The following AUTS2 variants were observed in gnomAD, a reference collection of about 807,000 sequenced individuals.
The protein encoded by AUTS2 is activator of transcription and developmental regulator AUTS2, also known as autism susceptibility gene 2 protein.
Under a neutral mutation model 112.4 loss-of-function variants are expected in AUTS2, and 17 were observed. The ratio of observed to expected loss-of-function variants is 0.15; its 90% CI spans 0.10 to 0.23. AUTS2 has a LOEUF of 0.23. AUTS2 is among the 10% of genes least tolerant of loss of function. The pLI, the probability that AUTS2 is intolerant of heterozygous loss-of-function variation, is 1.00. For missense variants in AUTS2, 1,510 were observed against 1,701.6 expected, an observed-to-expected ratio of 0.89 and a Z score of 1.98; for synonymous variants, 751 against 702.7, an observed-to-expected ratio of 1.07 and a Z score of -1.09.
At chr7:70,637,329 T>C (rs924473815) in intron 5 of AUTS2, among the ~76,000 whole-genome samples, 1 of 152,226 alleles carries the variant, frequency 6.6e-6, no homozygotes, top group Non-Finnish European at 1.5e-5. Context: ...GTTTGGAATA[T>C]GTAGATAGGG....
At chr7:70,521,964 A>G (rs1177920154) in intron 5 of AUTS2, among the ~76,000 whole-genome samples, 2 of 152,214 alleles carry the variant, frequency 1.3e-5, no homozygotes, top group East Asian at 1.9e-4. Flanking sequence ...ATGAAATAAC[A>G]TATCAGATGT....
At chr7:69,626,914 G>C (rs1258460661) in intron 1 of AUTS2, among the ~76,000 whole-genome samples, 1 of 152,178 alleles carries the variant, frequency 6.6e-6, no homozygotes, top group African/African-American at 2.4e-5. Flanking sequence ...TTAATGAAAT[G>C]TATTGCCTGA....
intron 4 of AUTS2, among the ~76,000 whole-genome samples, chr7:70,423,629 C>T (rs1246357843): frequency 3.9e-5 from 6 of 151,974 alleles, no homozygotes; most frequent in Admixed American, 1.3e-4. Flanking sequence ...CTACTTCCAT[C>T]CCAAAAAAAA....
chr7:70,260,686 C>A (rs182377452), intron 4 of AUTS2, among the ~76,000 whole-genome samples: 63 of 152,056 alleles, frequency 4.1e-4, no homozygotes, highest in African/African-American at 1.4e-3. Context: ...GCAGCAGTCC[C>A]ACTCCTAGGT....
intron 2 of AUTS2, among the ~76,000 whole-genome samples, chr7:70,076,642 G>A (rs1177647134): frequency 6.6e-6 from 1 of 152,178 alleles, no homozygotes; most frequent in Admixed American, 6.5e-5. Context: ...GAATTGACTT[G>A]TGGATCAAAT....
intron 2 of AUTS2, among the ~76,000 whole-genome samples, chr7:69,983,526 G>A (rs191522726): frequency 6.6e-6 from 1 of 152,156 alleles, no homozygotes; most frequent in East Asian, 1.9e-4. Context: ...GTGTGTGTGT[G>A]TGTGTGTGAA....
At chr7:70,422,563 G>C (rs1000452376) in intron 4 of AUTS2, among the ~76,000 whole-genome samples, 3 of 152,086 alleles carry the variant, frequency 2.0e-5, no homozygotes, top group African/African-American at 7.2e-5. Context: ...GATCACCTGA[G>C]GTCAGGCGTT....
chr7:70,478,185 T>C (rs920708164), intron 5 of AUTS2, among the ~76,000 whole-genome samples: 2 of 152,202 alleles, frequency 1.3e-5, no homozygotes, highest in African/African-American at 4.8e-5. Flanking sequence ...ATGGATTGCT[T>C]TTCTATTATA....
At chr7:70,377,786 T>G (rs1168815362) in intron 4 of AUTS2, among the ~76,000 whole-genome samples, 13 of 151,688 alleles carry the variant, frequency 8.6e-5, no homozygotes, top group South Asian at 6.3e-4. Context: ...TTTTTTTTTT[T>G]TTTGTGACAG....
rs145310040 is a variant in AUTS2, at chr7:70,367,098, A to G, written c.661-68654A>G. 5.1e-4 allele frequency among the ~76,000 whole-genome samples: 78 copies of G among 152,246 alleles called. 2 individuals carry two copies. Among genetic ancestry groups the G allele is most frequent in the African/African-American group, 1.9e-3 (77 of 41,548 alleles). ...CCAGGAGTTTTAGACCAGCCTCACC[A>G]ACATTTGCGAAACCCCGTCTCTACT... is the stretch of plus-strand genomic sequence containing the variant. On this transcript the variant is annotated intron_variant, in intron 4 of 18. Transcript: ENST00000342771.
Position 69,996,848 on chromosome 7 carries a change from CATTTT to C in AUTS2, c.522+97353_522+97357del, listed in dbSNP as rs369914690. ...CTGTATGTTTACATGAAAAAATACA[CATTTT>C]ATAACCCACTCCAGACCTACTAAAT... is the stretch of plus-strand genomic sequence containing the variant. On this transcript the variant is annotated intron_variant, in intron 2 of 18. Transcript: ENST00000342771. Among the ~76,000 whole-genome samples the C allele has an allele frequency of 1.6e-3, 244 of 150,628 alleles. 2 individuals are homozygous for C. Among genetic ancestry groups the C allele is most frequent in the African/African-American group, 5.7e-3 (235 of 40,980 alleles).
At chr7:70,438,667 C>T (rs976968335) in intron 5 of AUTS2, among the ~76,000 whole-genome samples, 2 of 152,220 alleles carry the variant, frequency 1.3e-5, no homozygotes, top group African/African-American at 4.8e-5. Flanking sequence ...AAGACTTCTG[C>T]TCTGTCGGAG....
chr7:69,687,610 A>G (rs1447019587), intron 1 of AUTS2, among the ~76,000 whole-genome samples: 1 of 152,238 alleles, frequency 6.6e-6, no homozygotes, highest in Non-Finnish European at 1.5e-5. Context: ...ACACTAGTCT[A>G]ATGGATCAAT....
rs200479512 is a variant in AUTS2, at chr7:70,790,516, G to A, written c.3300G>A (p.Pro1100=). ...GGGACTTCCTGCTAAGGAACGACCC[G>A]CTCCACCGGCTCTCGACTCCCCGGC... ...LGRDFLLRND[P]LHRLSTPRLY... Residue 1100 remains proline (P), a synonymous_variant, in exon 19 of 19, where the codon CCG becomes CCA. Coordinates refer to ENST00000342771, the MANE Select transcript of AUTS2 (RefSeq NM_015570.4). The surrounding 1 kb of genome is among the most constrained non-coding windows in gnomAD (Gnocchi z 7.6). 4.7e-5 allele frequency: 76 copies of A among 1,610,136 alleles called. No individual in the cohort carries two copies. In the East Asian group the frequency reaches 1.4e-3, roughly 29 times the overall value.
intron 4 of AUTS2, among the ~76,000 whole-genome samples, chr7:70,395,774 ATGTG>A (rs1302358029): frequency 5.4e-4 from 82 of 152,308 alleles, no homozygotes; most frequent in African/African-American, 1.6e-3. Flanking sequence ...AGAGTTGGGA[ATGTG>A]TTCCCAACTC....
intron 2 of AUTS2, among the ~76,000 whole-genome samples, chr7:69,914,340 CAG>C (rs1454711783): frequency 2.7e-4 from 38 of 139,668 alleles, no homozygotes; most frequent in African/African-American, 9.0e-4. Flanking sequence ...CACACAGACA[CAG>C]ACACACACAC....
chr7:69,846,803 G>A (rs1461846306), intron 1 of AUTS2, among the ~76,000 whole-genome samples: 1 of 152,104 alleles, frequency 6.6e-6, no homozygotes, highest in Non-Finnish European at 1.5e-5. Context: ...CAAACTCCTG[G>A]CCTCAAGTGA....
chr7:70,138,992 G>C (rs536969196), intron 4 of AUTS2, among the ~76,000 whole-genome samples: 4 of 151,922 alleles, frequency 2.6e-5, no homozygotes, highest in Non-Finnish European at 5.9e-5. Flanking sequence ...TTTTGACAGG[G>C]TCTCACTGTG....
chr7:70,156,508 C>T (rs919738243), intron 4 of AUTS2, among the ~76,000 whole-genome samples: 8 of 152,058 alleles, frequency 5.3e-5, no homozygotes, highest in Non-Finnish European at 1.2e-4. Context: ...CCGAGTTAAT[C>T]CTTTGGACTT....
Sources: gnomAD v4.1 joint callset for allele counts (sites outside exome capture counted in the v4.1 genomes callset) on GRCh38, gnomAD v4.1.1 for gene constraint, Gnocchi (gnomAD v3.1) non-coding constraint, MANE v1.5 for transcripts, NCBI Gene and HGNC (gene_info 2026-07-23, HGNC 2026-07-21) for gene names.